The following MYBPC1 variants were observed in gnomAD, a reference collection of about 807,000 sequenced individuals.
The protein encoded by MYBPC1 is myosin binding protein C1.
A neutral mutation model predicts 147.1 loss-of-function variants in MYBPC1; 52 were observed. The observed-to-expected ratio is 0.35, with a 90% CI of 0.28 to 0.45. The LOEUF (loss-of-function observed/expected upper bound fraction) is 0.45, where lower values mean the gene tolerates loss of function less well. MYBPC1 is among the 20% of genes least tolerant of loss of function. MYBPC1 has a pLI of 1.00. For synonymous variants in MYBPC1, 477 were observed against 475.9 expected (o/e 1.00, Z -0.03); for missense variants, 1,228 against 1,440.3 (o/e 0.85, Z 2.39).
At chr12:101,630,618 G>A (rs1236346978) in intron 6 of MYBPC1, among the ~76,000 whole-genome samples, 1 of 152,054 alleles carries the variant, frequency 6.6e-6, no homozygotes, top group Non-Finnish European at 1.5e-5. Flanking sequence ...CAGCTGATTG[G>A]GCAAATGGTT....
downstream of MYBPC1, among the ~76,000 whole-genome samples, chr12:101,686,256 G>T (rs1079575): frequency 0.25 from 38,179 of 152,154 alleles, 5,198 homozygotes; most frequent in East Asian, 0.48. Flanking sequence ...GATACAATAT[G>T]CATTCATGCA....
At chr12:101,663,685 G>A (rs372048397) in intron 22 of MYBPC1, 125 bp downstream of exon 22, 47 of 1,123,774 alleles carry the variant, frequency 4.2e-5, no homozygotes, top group Middle Eastern at 2.8e-4. Flanking sequence ...CAAGCCAAAC[G>A]TCATCCTTCT....
At chr12:101,694,749 A>G in the MYBPC1 span, among the ~76,000 whole-genome samples, 1 of 100,970 alleles carries the variant, frequency 9.9e-6, no homozygotes, top group Non-Finnish European at 1.9e-5. Flanking sequence ...CAAGCTGACT[A>G]ATACATCTGC....
intron 3 of MYBPC1, among the ~76,000 whole-genome samples, chr12:101,626,413 A>T (rs1424673321): frequency 6.6e-6 from 1 of 152,208 alleles, no homozygotes; most frequent in Non-Finnish European, 1.5e-5. Context: ...GCAATTAATC[A>T]TGAGGTTTTC....
intron 3 of MYBPC1, among the ~76,000 whole-genome samples, chr12:101,624,719 G>GTTT (rs1888185227): frequency 5.4e-5 from 5 of 92,370 alleles, no homozygotes; most frequent in African/African-American, 1.2e-4. Context: ...TACGGAGAGA[G>GTTT]TCTTGTTATG....
intron 28 of MYBPC1, 32 bp downstream of exon 28, chr12:101,678,270 T>C: frequency 6.2e-7 from 1 of 1,611,416 alleles, no homozygotes; most frequent in African/African-American, 1.3e-5. Flanking sequence ...TCAGTTAAAG[T>C]CCCTGTCTTG....
chr12:101,685,455 A>G, intron 31 of MYBPC1, 127 bp from the exon 32 acceptor site: 2 of 698,638 alleles, frequency 2.9e-6, no homozygotes, highest in Non-Finnish European at 2.5e-6. Context: ...TAGAGACTGA[A>G]TGAATCTTTG....
At chr12:101,598,226 G>A (rs1878240702) in intron 1 of MYBPC1, among the ~76,000 whole-genome samples, 1 of 152,034 alleles carries the variant, frequency 6.6e-6, no homozygotes, top group African/African-American at 2.4e-5. Context: ...CGCCATGTTG[G>A]CCAGGCTGGT....
intron 30 of MYBPC1, among the ~76,000 whole-genome samples, chr12:101,683,788 A>G (rs1312813609): frequency 1.3e-5 from 2 of 152,190 alleles, no homozygotes; most frequent in African/African-American, 2.4e-5. Flanking sequence ...AGCTTTCAAA[A>G]GAGGAAAAAA....
At chr12:101,643,580 G>A (rs1228865404) in intron 11 of MYBPC1, among the ~76,000 whole-genome samples, 1 of 152,040 alleles carries the variant, frequency 6.6e-6, no homozygotes, top group African/African-American at 2.4e-5. Flanking sequence ...GTATAATAAG[G>A]TTGGAATGAT....
intron 13 of MYBPC1, among the ~76,000 whole-genome samples, chr12:101,647,692 G>A (rs1366026340): frequency 6.6e-6 from 1 of 152,200 alleles, no homozygotes; most frequent in Non-Finnish European, 1.5e-5. Context: ...TTCAAGACCA[G>A]CCTGGCCAAT....
At chr12:101,651,864 G>C (rs370763232) in intron 16 of MYBPC1, among the ~76,000 whole-genome samples, 1 of 152,138 alleles carries the variant, frequency 6.6e-6, no homozygotes, top group Non-Finnish European at 1.5e-5. Context: ...AACCCAGTAG[G>C]GGGAGGTTGA....
downstream of MYBPC1, among the ~76,000 whole-genome samples, chr12:101,690,902 T>G (rs1951402573): frequency 6.6e-6 from 1 of 152,158 alleles, no homozygotes; most frequent in African/African-American, 2.4e-5. Flanking sequence ...AGTACGAAAC[T>G]ATAAAAGTAT....
intron 7 of MYBPC1, 32 bp from the exon 8 acceptor site, chr12:101,631,989 A>C (rs1207830025): frequency 1.2e-5 from 18 of 1,532,790 alleles, no homozygotes; most frequent in Admixed American, 1.7e-5. Context: ...AAATAAACTG[A>C]AATGTGTGTG....
chr12:101,637,778 T>C lies in MYBPC1; in HGVS notation c.665+1050T>C, dbSNP rs529687614. ...TTAGTTAGATAGCTGTATTGAAGTC[T>C]CTGTAAATGAAAAATTTACCCCTAT... On this transcript the variant is annotated intron_variant, in intron 10 of 31. Transcript: ENST00000361466. Among the ~76,000 whole-genome samples, 10 of 152,306 alleles carry C rather than the reference T, an allele frequency of 6.6e-5. No individual in the cohort carries two copies. In the South Asian group the frequency reaches 2.1e-3, roughly 32 times the overall value.
At chr12:101,627,487 C>T (rs1299988211) in intron 4 of MYBPC1, among the ~76,000 whole-genome samples, 1 of 152,168 alleles carries the variant, frequency 6.6e-6, no homozygotes, top group Non-Finnish European at 1.5e-5. Flanking sequence ...AAGTGATCCA[C>T]CCACTTTGGC....
rs142590521 is a variant in MYBPC1, at chr12:101,652,317, A to C, written c.1527-361A>C. Among the ~76,000 whole-genome samples the C allele has an allele frequency of 1.9e-3, 292 of 152,340 alleles. 5 individuals carry two copies. The highest frequency in any genetic ancestry group is 6.7e-3 in the African/African-American group (279 of 41,582). On this transcript the variant is annotated intron_variant, in intron 16 of 31. Transcript: ENST00000361466. ...TTAGGGTTTGGGATGTAAAGCCAAAATCAAGATTATTCTTGGCATCTCTTG... is the reference window on the plus strand; with the variant it reads ...TTAGGGTTTGGGATGTAAAGCCAAACTCAAGATTATTCTTGGCATCTCTTG...
At position 101,685,715 on chromosome 12, in the gene MYBPC1, G is replaced by T; in HGVS notation, c.*153G>T. 4 of 1,416,208 alleles carry T rather than the reference G, an allele frequency of 2.8e-6. No homozygotes were observed. The highest frequency in any genetic ancestry group is 3.8e-6 in the Non-Finnish European group (4 of 1,044,768). The allele number at this position is 1,416,208 out of a possible 1,614,324, so 87.7% of individuals were successfully genotyped here. A position where few individuals can be genotyped will look rare whatever the true frequency, so the allele number is the denominator to read the frequency against. ...CCTGGCTACTGTCTCTCTGCACTCT[G>T]CTGCTTTGAAATCTGGTTGAAATGA... On this transcript the variant is annotated 3_prime_UTR_variant, in exon 32 of 32. Coordinates refer to ENST00000361466, the MANE Select transcript of MYBPC1 (RefSeq NM_002465.4).
Position 101,652,542 on chromosome 12 carries a change from CTCTT to C in MYBPC1, c.1527-132_1527-129del, listed in dbSNP as rs1425184032. 16 of 674,260 alleles carry C rather than the reference CTCTT, an allele frequency of 2.4e-5. No homozygotes were observed. The African/African-American group carries it at 2.5e-4, about 11-fold the overall frequency. 41.8% of individuals were successfully genotyped at this position (674,260 alleles called of 1,614,324 possible). A position where few individuals can be genotyped will look rare whatever the true frequency, so the allele number is the denominator to read the frequency against. On this transcript the variant is annotated intron_variant, in intron 16 of 31. Transcript: ENST00000361466. ...CTTCTCATCCTCTCTCTCTCTCTCT[CTCTT>C]TCTCTCTCTCTCTCCCTCTCTTTCC...
Sources: gnomAD v4.1 joint callset for allele counts (sites outside exome capture counted in the v4.1 genomes callset) on GRCh38, gnomAD v4.1.1 for gene constraint, MANE v1.5 for transcripts, NCBI Gene and HGNC (gene_info 2026-07-23, HGNC 2026-07-21) for gene names.